COX7B2: variants seen among roughly 807,000 people sequenced by gnomAD.
COX7B2 encodes cytochrome c oxidase subunit 7B2.
For synonymous variants in COX7B2, 37 were observed against 32.1 expected (o/e 1.15, Z -0.51); for missense variants, 109 against 95.9 (o/e 1.14, Z -0.57).
At chr4:46,866,764 G>T (rs777434473) in intron 1 of COX7B2, among the ~76,000 whole-genome samples, 7 of 151,962 alleles carry the variant, frequency 4.6e-5, no homozygotes, top group Non-Finnish European at 7.4e-5. Context: ...CTTTGCCAAA[G>T]GATTACAACA....
At chr4:46,899,084 CTTTA>C (rs1013539038) in intron 1 of COX7B2, among the ~76,000 whole-genome samples, 9 of 152,162 alleles carry the variant, frequency 5.9e-5, no homozygotes, top group Non-Finnish European at 1.5e-5. Flanking sequence ...ATGCTATCTT[CTTTA>C]TTTACCTCTT....
chr4:46,880,494 G>A (rs1447529088), intron 1 of COX7B2, among the ~76,000 whole-genome samples: 2 of 138,690 alleles, frequency 1.4e-5, no homozygotes, highest in Non-Finnish European at 3.0e-5. Flanking sequence ...TATGCAGGAA[G>A]ACAATTTATT....
intron 2 of COX7B2, among the ~76,000 whole-genome samples, chr4:46,799,339 G>C (rs1375917710): frequency 6.6e-6 from 1 of 151,928 alleles, no homozygotes; most frequent in Non-Finnish European, 1.5e-5. Context: ...CTTCCTATTT[G>C]GATGCCTTTT....
chr4:46,882,613 C>T (rs2109851018), intron 1 of COX7B2, among the ~76,000 whole-genome samples: 1 of 152,198 alleles, frequency 6.6e-6, no homozygotes, highest in African/African-American at 2.4e-5. Context: ...AGGATTGCAA[C>T]CCCTGATTTT....
intron 2 of COX7B2, among the ~76,000 whole-genome samples, chr4:46,822,443 G>A (rs1474302880): frequency 6.6e-6 from 1 of 152,082 alleles, no homozygotes; most frequent in Non-Finnish European, 1.5e-5. Flanking sequence ...CAGAGGAAGA[G>A]AGAAGTATCT....
intron 2 of COX7B2, among the ~76,000 whole-genome samples, chr4:46,742,241 T>C (rs1244001068): frequency 6.6e-6 from 1 of 152,144 alleles, no homozygotes; most frequent in Admixed American, 6.6e-5. Flanking sequence ...TCCTGGACAT[T>C]ACTCAACTGA....
At chr4:46,896,136 A>G (rs577103030) in intron 1 of COX7B2, among the ~76,000 whole-genome samples, 1 of 152,292 alleles carries the variant, frequency 6.6e-6, no homozygotes, top group African/African-American at 2.4e-5. Flanking sequence ...GCTGACTAAA[A>G]ATAATTACTT....
intron 2 of COX7B2, among the ~76,000 whole-genome samples, chr4:46,804,821 G>A (rs188021081): frequency 0.013 from 1,961 of 152,340 alleles, 33 homozygotes; most frequent in African/African-American, 0.044. Flanking sequence ...GTCCTGTGCC[G>A]TGTGCCTGCA....
intron 2 of COX7B2, among the ~76,000 whole-genome samples, chr4:46,812,104 T>C (rs1270025722): frequency 1.3e-5 from 2 of 152,066 alleles, no homozygotes; most frequent in African/African-American, 4.8e-5. Flanking sequence ...TATAATACAG[T>C]ATATAATACA....
At chr4:46,792,285 T>C (rs1577710092) in intron 2 of COX7B2, among the ~76,000 whole-genome samples, 1 of 152,346 alleles carries the variant, frequency 6.6e-6, no homozygotes, top group East Asian at 1.9e-4. Flanking sequence ...TAATTTCATG[T>C]ATCAGTGTGA....
At chr4:46,873,573 AGAT>A (rs1718138544) in intron 1 of COX7B2, among the ~76,000 whole-genome samples, 1 of 152,196 alleles carries the variant, frequency 6.6e-6, no homozygotes, top group Admixed American at 6.6e-5. Context: ...CGACCAGTGA[AGAT>A]GAGCATTTTT....
chr4:46,887,234 G>T (rs1433713529), intron 1 of COX7B2, among the ~76,000 whole-genome samples: 2 of 152,010 alleles, frequency 1.3e-5, no homozygotes, highest in African/African-American at 4.8e-5. Context: ...CACCCTAAAG[G>T]GTATGGGCAA....
At chr4:46,873,174 A>G (rs1412198103) in intron 1 of COX7B2, among the ~76,000 whole-genome samples, 1 of 152,180 alleles carries the variant, frequency 6.6e-6, no homozygotes, top group Admixed American at 6.5e-5. Flanking sequence ...ACAGCTGCAT[A>G]GTATTCTATG....
chr4:46,775,481 C>T (rs1717106750), intron 2 of COX7B2, among the ~76,000 whole-genome samples: 1 of 152,078 alleles, frequency 6.6e-6, no homozygotes, highest in South Asian at 2.1e-4. Context: ...TGCACTACTT[C>T]CATTAGCAAA....
intron 2 of COX7B2, among the ~76,000 whole-genome samples, chr4:46,750,274 G>A (rs980436035): frequency 6.7e-6 from 1 of 148,760 alleles, no homozygotes; most frequent in Non-Finnish European, 1.5e-5. Flanking sequence ...CATGCCTGTA[G>A]TCCTAGCTAC....
intron 2 of COX7B2, among the ~76,000 whole-genome samples, chr4:46,737,539 T>A (rs953562129): frequency 6.6e-6 from 1 of 152,120 alleles, no homozygotes; most frequent in Non-Finnish European, 1.5e-5. Context: ...TATAAGTGAA[T>A]ATTGGTATCC....
chr4:46,871,271 G>T (rs1192013765), intron 1 of COX7B2, among the ~76,000 whole-genome samples: 1 of 152,138 alleles, frequency 6.6e-6, no homozygotes, highest in African/African-American at 2.4e-5. Flanking sequence ...AATGGTACTG[G>T]GGTAACTGGC....
intron 2 of COX7B2, among the ~76,000 whole-genome samples, chr4:46,840,793 T>C (rs1715877335): frequency 6.6e-6 from 1 of 151,930 alleles, no homozygotes; most frequent in Admixed American, 6.6e-5. Flanking sequence ...ATAAGGCCTT[T>C]AGTGGCCCAC....
intron 2 of COX7B2, among the ~76,000 whole-genome samples, chr4:46,742,819 C>T (rs1302009208): frequency 2.0e-5 from 3 of 152,124 alleles, no homozygotes; most frequent in Non-Finnish European, 4.4e-5. Flanking sequence ...TAGGCACTCT[C>T]GCTCAGATTC....
Sources: allele counts gnomAD v4.1 joint callset (sites outside exome capture counted in the v4.1 genomes callset), GRCh38; gene constraint gnomAD v4.1.1; transcripts MANE v1.5; gene names NCBI Gene and HGNC (gene_info 2026-07-23, HGNC 2026-07-21).